Variants in ABCA5 observed in about 807,000 individuals in gnomAD.
ABCA5 encodes the protein ATP binding cassette subfamily A member 5.
Under a neutral mutation model 206.0 loss-of-function variants are expected in ABCA5, and 163 were observed. That is an observed-to-expected ratio of 0.79 (90% CI 0.70 to 0.90). The LOEUF is 0.90. Ranked by LOEUF, ABCA5 falls within the 40% of genes least tolerant of loss-of-function variation. The pLI is 0.00. For synonymous variants in ABCA5, 609 were observed against 613.8 expected (o/e 0.99, Z 0.11); for missense variants, 1,859 against 1,912.9 (o/e 0.97, Z 0.53).
At chr17:69,270,846 A>G in intron 21 of ABCA5, 96 bp from the exon 22 acceptor site, 1 of 1,189,706 alleles carries the variant, frequency 8.4e-7, no homozygotes. Flanking sequence ...GCTAATTCTC[A>G]TACAGAAAAA....
In ABCA5 at chr17:69,302,656, T is replaced by C. The variant is rs1222479410; in HGVS notation, c.1119+62A>G. ...ATCAAAGGTAGTATTCATGGTAGTA[T>C]AAGAAGCTACATAAAACAGAAAGAA... On this transcript the variant is annotated intron_variant, in intron 8 of 38. Coordinates refer to ENST00000392676, the MANE Select transcript of ABCA5 (RefSeq NM_172232.4). The C allele has an allele frequency of 6.6e-6, 8 of 1,212,620 alleles. 1 individual carries two copies. The highest frequency in any genetic ancestry group is 7.6e-6 in the Non-Finnish European group (7 of 919,188). The allele number at this position is 1,212,620 out of a possible 1,614,324, so 75.1% of individuals were successfully genotyped here. A position where few individuals can be genotyped will look rare whatever the true frequency, so the allele number is the denominator to read the frequency against.
rs955079421 is a variant in ABCA5, at chr17:69,301,033, C to T, written c.1267+106G>A. 21 of 1,015,676 alleles carry T rather than the reference C, an allele frequency of 2.1e-5. No individual in the cohort carries two copies. In the African/African-American group the frequency reaches 2.8e-4, roughly 14 times the overall value. The allele number at this position is 1,015,676 out of a possible 1,614,324, so 62.9% of individuals were successfully genotyped here. ...TTAAAAGCTTTAACAATGAATATGA[C>T]TTAGGGTACCCTGGTTAGGAAAAAA... is the stretch of plus-strand genomic sequence containing the variant. On this transcript the variant is annotated intron_variant, in intron 9 of 38. Coordinates refer to ENST00000392676, the MANE Select transcript of ABCA5 (RefSeq NM_172232.4).
intron 22 of ABCA5, 108 bp from the exon 23 acceptor site, chr17:69,268,164 A>C: frequency 1.8e-6 from 1 of 563,566 alleles, no homozygotes; most frequent in Non-Finnish European, 3.2e-6. Context: ...CTCAGAAAGA[A>C]TGTATTAGAA....
At position 69,254,419 on chromosome 17, in the gene ABCA5, A is replaced by C; in HGVS notation, c.4140T>G (p.Pro1380=). 1 of 1,613,732 alleles carries C rather than the reference A, an allele frequency of 6.2e-7. No homozygotes were observed. Among genetic ancestry groups the C allele is most frequent in the Non-Finnish European group, 8.5e-7 (1 of 1,179,768 alleles). The change falls in exon 32 of 39, where the codon CCT becomes CCG. Residue 1380 remains proline (P), a synonymous_variant. Transcript: ENST00000392676. ...TATCTGGCCACAAAGGGTTTATCTG[A>C]GGACAGTAACCCATACACTTCAGTG... The part of the protein sequence containing the change: ...DDSLKCMGYC[P]QINPLWPDTT...
At chr17:69,267,243 T>C (rs752127409) in intron 23 of ABCA5, among the ~76,000 whole-genome samples, 1 of 152,176 alleles carries the variant, frequency 6.6e-6, no homozygotes, top group Non-Finnish European at 1.5e-5. Flanking sequence ...TAAATTAATT[T>C]AGACAAATTT....
At chr17:69,252,242 C>G (rs1447512757) in intron 34 of ABCA5, among the ~76,000 whole-genome samples, 1 of 152,032 alleles carries the variant, frequency 6.6e-6, no homozygotes, top group African/African-American at 2.4e-5. Flanking sequence ...TCTCGATCTC[C>G]TGACCTCGTG....
intron 32 of ABCA5, 93 bp from the exon 33 acceptor site, chr17:69,253,962 T>G (rs776856106): frequency 2.9e-6 from 3 of 1,029,150 alleles, no homozygotes; most frequent in Non-Finnish European, 4.3e-6. Context: ...TTCTCTAGAA[T>G]AGTTACTTAG....
chr17:69,304,834 T>C, intron 6 of ABCA5, 24 bp from the exon 7 acceptor site: 1 of 1,556,468 alleles, frequency 6.4e-7, no homozygotes. Context: ...ACAGATATAG[T>C]TATGGTCAAA....
intron 1 of ABCA5, among the ~76,000 whole-genome samples, chr17:69,318,114 AT>A (rs5821707): frequency 0.61 from 90,036 of 146,434 alleles, 28,568 homozygotes; most frequent in East Asian, 0.85. Context: ...AAAACTCACA[AT>A]TTTTTTTTTT....
chr17:69,256,195 T>C lies in ABCA5; in HGVS notation c.3820A>G (p.Lys1274Glu), dbSNP rs1402450884. ...EDEDVKAERLKVKELMGCQCC... is the reference protein window; with the variant it reads ...EDEDVKAERLEVKELMGCQCC... ...TGGCAACCCATCAGCTCTTTGACCT[T>C]TAGTCTTTCAGCTTTGACATCTTCA... Residue 1274 changes from lysine (K) to glutamate (E), a missense_variant, in exon 29 of 39, where the codon AAG becomes GAG. Lys to Glu is a moderately conservative substitution (Grantham distance 56). Coordinates refer to ENST00000392676, the MANE Select transcript of ABCA5 (RefSeq NM_172232.4). 1 of 1,610,294 alleles carries C rather than the reference T, an allele frequency of 6.2e-7. No individual in the cohort carries two copies. Among genetic ancestry groups the C allele is most frequent in the East Asian group, 2.2e-5 (1 of 44,600 alleles).
intron 11 of ABCA5, among the ~76,000 whole-genome samples, chr17:69,292,637 T>C (rs2075541326): frequency 2.0e-5 from 3 of 152,192 alleles, no homozygotes; most frequent in Admixed American, 2.0e-4. Flanking sequence ...GTAATTGTTA[T>C]TACAATTATA....
rs142895163 is a variant in ABCA5 at position 69,274,504 on chromosome 17, G to A, written c.2595-376C>T. ...CTCCCAAAGTGCTGGGATTGCAGGT[G>A]TGAGCCACCTTGACCAGCCTACATT... is the stretch of plus-strand genomic sequence containing the variant. On this transcript the variant is annotated intron_variant, in intron 19 of 38. Coordinates refer to ENST00000392676, the MANE Select transcript of ABCA5 (RefSeq NM_172232.4). 2.7e-3 allele frequency among the ~76,000 whole-genome samples: 414 copies of A among 151,640 alleles called. 7 individuals carry two copies. The highest frequency in any genetic ancestry group is 9.4e-3 in the African/African-American group (389 of 41,282).
At chr17:69,275,575 G>T (rs1454881916) in intron 19 of ABCA5, among the ~76,000 whole-genome samples, 2 of 152,170 alleles carry the variant, frequency 1.3e-5, no homozygotes, top group Non-Finnish European at 2.9e-5. Flanking sequence ...TTGGAAACAT[G>T]AGGTTAAACA....
chr17:69,283,848 A>T (rs2075422384), intron 18 of ABCA5, 105 bp downstream of exon 18: 2 of 1,173,118 alleles, frequency 1.7e-6, no homozygotes, highest in Non-Finnish European at 2.3e-6. Context: ...ACTTATTTCT[A>T]CCCTTTATTC....
rs1214699386 is a variant in ABCA5, at chr17:69,291,126, A to G, written c.1606+90T>C. 2.3e-5 allele frequency: 16 copies of G among 683,044 alleles called. No individual in the cohort carries two copies. In the Admixed American group the frequency reaches 3.1e-4, roughly 13 times the overall value. The allele number at this position is 683,044 out of a possible 1,614,324, so 42.3% of individuals were successfully genotyped here. ...AAAAAGAAAACACCTTTACAGATAC[A>G]GAAGTTGGTCCCATTGACAAAAATT... is the stretch of plus-strand genomic sequence containing the variant. On this transcript the variant is annotated intron_variant, in intron 12 of 38. Coordinates refer to ENST00000392676, the MANE Select transcript of ABCA5 (RefSeq NM_172232.4).
intron 37 of ABCA5, chr17:69,249,071 A>T (rs2074983927): frequency 6.6e-6 from 1 of 152,176 alleles, no homozygotes; most frequent in African/African-American, 2.4e-5. Flanking sequence ...CATATATTAC[A>T]GACCAAAAAA....
chr17:69,251,832 GCTTT>G lies in ABCA5; in HGVS notation c.4446_4449del (p.Arg1482SerfsTer6). The G allele has an allele frequency of 6.2e-7, 1 of 1,613,580 alleles. No individual in the cohort carries two copies. The highest frequency in any genetic ancestry group is 8.5e-7 in the Non-Finnish European group (1 of 1,179,892). ...TAGTGAGTGGTCAGAATAGCAGCCC[GCTTT>G]CTGTTTTTAAATGCAGTTCGAATTG... is the stretch of plus-strand genomic sequence containing the variant. On this transcript the variant is annotated frameshift_variant, in exon 35 of 39. Coordinates refer to ENST00000392676, the MANE Select transcript of ABCA5 (RefSeq NM_172232.4). LOFTEE classifies it high-confidence loss of function.
intron 1 of ABCA5, among the ~76,000 whole-genome samples, chr17:69,320,421 T>C (rs7225762): frequency 0.39 from 59,017 of 151,948 alleles, 12,267 homozygotes; most frequent in Middle Eastern, 0.5. Flanking sequence ...AATGACTCAG[T>C]ATTATGAATG....
At position 69,306,724 on chromosome 17, in the gene ABCA5, C is replaced by T. The variant is rs2075720408; in HGVS notation, c.788+1G>A. 10 of 1,356,394 alleles carry T rather than the reference C, an allele frequency of 7.4e-6. No individual in the cohort carries two copies. Among genetic ancestry groups the T allele is most frequent in the Non-Finnish European group, 9.7e-6 (10 of 1,025,672 alleles). 84.0% of individuals were successfully genotyped at this position (1,356,394 alleles called of 1,614,324 possible). On this transcript the variant is annotated splice_donor_variant, in intron 6 of 38. Transcript: ENST00000392676. LOFTEE classifies it high-confidence loss of function. ...TAAGTAATAAATTTTTAATAACATACCAAAAGGCAGTATCATGAAGTCCCA... is the reference window on the plus strand; with the variant it reads ...TAAGTAATAAATTTTTAATAACATATCAAAAGGCAGTATCATGAAGTCCCA...
Sources: gnomAD v4.1 joint callset for allele counts (sites outside exome capture counted in the v4.1 genomes callset) on GRCh38, gnomAD v4.1.1 for gene constraint, MANE v1.5 for transcripts, NCBI Gene and HGNC (gene_info 2026-07-23, HGNC 2026-07-21) for gene names.